WIPF3: variants seen among roughly 807,000 people sequenced by gnomAD.
WIPF3 encodes WAS/WASL interacting protein family member 3.
WIPF3 carries 33 observed loss-of-function variants against 38.9 expected under a neutral mutation model. The observed-to-expected ratio is 0.85, with a 90% confidence interval of 0.64 to 1.14. The LOEUF (loss-of-function observed/expected upper bound fraction) is 1.14, where lower values mean the gene tolerates loss of function less well. Ranked by LOEUF, WIPF3 falls within the 50% of genes most tolerant of loss-of-function variation. The probability of loss-of-function intolerance (pLI) is 0.00; values close to 1 mark genes in which losing one functional copy is unlikely to be tolerated. For synonymous variants in WIPF3, 324 were observed against 269.3 expected (o/e 1.20, Z -1.99); for missense variants, 711 against 652.5 (o/e 1.09, Z -0.98).
chr7:29,827,781 CA>C, intron 1 of WIPF3, among the ~76,000 whole-genome samples: 2 of 152,212 alleles, frequency 1.3e-5, no homozygotes, highest in Admixed American at 1.3e-4. Context: ...GATTCCTAGT[CA>C]AGTGTGTTAT....
At chr7:29,851,976 TTTAC>T (rs1188092510) in intron 2 of WIPF3, among the ~76,000 whole-genome samples, 2 of 152,024 alleles carry the variant, frequency 1.3e-5, no homozygotes, top group African/African-American at 4.8e-5. Context: ...TTATTTTAAT[TTTAC>T]TTATTTTTAT....
At chr7:29,826,120 A>G (rs996171921) in intron 1 of WIPF3, among the ~76,000 whole-genome samples, 24 of 152,296 alleles carry the variant, frequency 1.6e-4, no homozygotes, top group African/African-American at 5.5e-4. Context: ...TTCTGACTCT[A>G]TGGGAGAGAG....
Position 29,884,405 on chromosome 7 carries a change from C to A in WIPF3, c.911C>A (p.Pro304Gln). The change falls in exon 5 of 9, where the codon CCG (proline) becomes CAG (glutamine). Residue 304 changes from proline (P) to glutamine (Q), a missense_variant. By Grantham distance (76) the Pro-to-Gln change is moderately conservative. Transcript: ENST00000242140. The stretch of plus-strand genomic sequence containing the variant: ...CTCCCCCCTTATGCTTCTTGCTCCC[C>A]GAGGGCTTCTTTGCCCGCGCCCCCT... ...PPLPPYASCS[P>Q]RASLPAPPLP... 1 of 1,490,820 alleles carries A rather than the reference C, an allele frequency of 6.7e-7. No homozygotes were observed. The highest frequency in any genetic ancestry group is 2.7e-5 in the East Asian group (1 of 36,900). 92.3% of individuals were successfully genotyped at this position (1,490,820 alleles called of 1,614,324 possible). A position where few individuals can be genotyped will look rare whatever the true frequency, so the allele number is the denominator to read the frequency against.
At chr7:29,829,794 G>C (rs6462180) in intron 1 of WIPF3, among the ~76,000 whole-genome samples, 84,942 of 151,992 alleles carry the variant, frequency 0.56, 23,941 homozygotes, top group Middle Eastern at 0.64. Flanking sequence ...TTCGGGCCTC[G>C]CGTGGAAGTG....
intron 1 of WIPF3, among the ~76,000 whole-genome samples, chr7:29,824,212 G>C (rs1458850264): frequency 1.3e-5 from 2 of 152,310 alleles, no homozygotes; most frequent in Non-Finnish European, 1.5e-5. Context: ...GGATGCTGAG[G>C]CATGAGAATT....
rs1315862986 is a variant in WIPF3, at chr7:29,879,073, C to T, written c.288C>T (p.Pro96=). 6.2e-7 allele frequency: 1 copy of T among 1,610,890 alleles called. No homozygotes were observed. The highest frequency in any genetic ancestry group is 8.5e-7 in the Non-Finnish European group (1 of 1,178,528). The change falls in exon 4 of 9, where the codon CCC becomes CCT. Residue 96 remains proline, a synonymous_variant. Coordinates refer to ENST00000242140, the MANE Select transcript of WIPF3 (RefSeq NM_001080529.3). ...SANTRGASTP[P]TLGDLFAGGF... Reference sequence around the variant, plus strand: ...ACACACGAGGCGCGAGCACACCTCCCACCCTGGGAGATCTGTTTGCTGGTG... The same window carrying T: ...ACACACGAGGCGCGAGCACACCTCCTACCCTGGGAGATCTGTTTGCTGGTG...
intron 1 of WIPF3, among the ~76,000 whole-genome samples, chr7:29,810,931 C>T (rs2128060919): frequency 6.6e-6 from 1 of 152,194 alleles, no homozygotes; most frequent in African/African-American, 2.4e-5. Context: ...CTCTGTTGCC[C>T]AAGCTGGAGT....
In WIPF3 at chr7:29,812,616, T is replaced by G. The variant is rs148535995; in HGVS notation, c.-58+5938T>G. Among the ~76,000 whole-genome samples the G allele has an allele frequency of 2.8e-4, 42 of 152,344 alleles. 1 individual carries two copies. In the East Asian group the frequency reaches 7.1e-3, roughly 26 times the overall value. Reference sequence around the variant, plus strand: ...ACTCCCTAGGACTTCCACCTGCATCTCATTGGCCAGAACAGTGTCACAGGG... The same window carrying G: ...ACTCCCTAGGACTTCCACCTGCATCGCATTGGCCAGAACAGTGTCACAGGG... On this transcript the variant is annotated intron_variant, in intron 1 of 8. Transcript: ENST00000242140.
At chr7:29,857,760 A>C (rs768645597) in intron 2 of WIPF3, among the ~76,000 whole-genome samples, 1 of 152,158 alleles carries the variant, frequency 6.6e-6, no homozygotes, top group Non-Finnish European at 1.5e-5. Flanking sequence ...TGTATATGTG[A>C]TTTAATTTTT....
chr7:29,822,147 T>G (rs1784549880), intron 1 of WIPF3, among the ~76,000 whole-genome samples: 1 of 124,678 alleles, frequency 8.0e-6, no homozygotes, highest in Non-Finnish European at 1.8e-5. Flanking sequence ...TTTTTTTTGG[T>G]ATAGATCTTA....
At chr7:29,872,499 T>G (rs1785512291) in intron 2 of WIPF3, among the ~76,000 whole-genome samples, 1 of 151,980 alleles carries the variant, frequency 6.6e-6, no homozygotes, top group Non-Finnish European at 1.5e-5. Context: ...AACACTATAT[T>G]AAGATCAGGT....
rs1310478341 is a variant in WIPF3 at position 29,834,758 on chromosome 7, C to A, written c.34C>A (p.Pro12Thr). Residue 12 changes from proline (P) to threonine (T), a missense_variant, in exon 2 of 9, where the codon CCT becomes ACT. Pro to Thr is a conservative substitution (Grantham distance 38). Transcript: ENST00000242140. ...GCCACCGCCACCCCCACCTCCTCTGCCTCCACCTCCCCCGCCTCTGGGGGC... is the reference window on the plus strand; with the variant it reads ...GCCACCGCCACCCCCACCTCCTCTGACTCCACCTCCCCCGCCTCTGGGGGC... ...PVPPPPPPPL[P>T]PPPPPLGAPP... The A allele has an allele frequency of 6.8e-6, 10 of 1,464,336 alleles. No individual in the cohort carries two copies. The highest frequency in any genetic ancestry group is 2.7e-5 in the South Asian group (2 of 73,148). The allele number at this position is 1,464,336 out of a possible 1,614,324, so 90.7% of individuals were successfully genotyped here. A position where few individuals can be genotyped will look rare whatever the true frequency, so the allele number is the denominator to read the frequency against.
intron 7 of WIPF3, among the ~76,000 whole-genome samples, chr7:29,892,292 C>T (rs1317368839): frequency 6.6e-6 from 1 of 152,284 alleles, no homozygotes; most frequent in Non-Finnish European, 1.5e-5. Context: ...AGCCAAGGGA[C>T]CCCCTTCATC....
intron 8 of WIPF3, 105 bp downstream of exon 8, chr7:29,904,467 C>T: frequency 8.5e-7 from 1 of 1,178,582 alleles, no homozygotes; most frequent in Non-Finnish European, 1.2e-6. Flanking sequence ...TATTTTTCCT[C>T]ACACTCCTTT....
chr7:29,867,448 G>T (rs2128071698), intron 2 of WIPF3, among the ~76,000 whole-genome samples: 1 of 152,028 alleles, frequency 6.6e-6, no homozygotes, highest in African/African-American at 2.4e-5. Context: ...AGTACTTTTT[G>T]TCTAGAAGAA....
At position 29,844,801 on chromosome 7, in the gene WIPF3, T is replaced by C. The variant is rs77922484; in HGVS notation, c.90+9987T>C. Among the ~76,000 whole-genome samples, 2 of 152,164 alleles carry C rather than the reference T, an allele frequency of 1.3e-5. No individual in the cohort carries two copies. The highest frequency in any genetic ancestry group is 2.4e-5 in the African/African-American group (1 of 41,442). On this transcript the variant is annotated intron_variant, in intron 2 of 8. Coordinates refer to ENST00000242140, the MANE Select transcript of WIPF3 (RefSeq NM_001080529.3). This position sits in a 1 kb window ranked among gnomAD's most constrained non-coding sequence, Gnocchi z 4.8. ...TTTAAGGATGAGCTAACTCAGGCAC[T>C]GGGGGCACGTCACTTACTGGGCAGG...
At chr7:29,909,849 T>G (rs959354658) in intron 8 of WIPF3, among the ~76,000 whole-genome samples, 6 of 151,494 alleles carry the variant, frequency 4.0e-5, no homozygotes, top group Non-Finnish European at 8.8e-5. Context: ...GAGCTATGGA[T>G]TGCACCACTG....
At chr7:29,889,436 C>A in intron 7 of WIPF3, 29 bp downstream of exon 7, 1 of 1,561,578 alleles carries the variant, frequency 6.4e-7, no homozygotes, top group Non-Finnish European at 8.8e-7. Flanking sequence ...AGACTCCTGG[C>A]ATCTCCCGAC....
At chr7:29,913,282 T>G (rs890632562) in intron 8 of WIPF3, among the ~76,000 whole-genome samples, 1 of 150,704 alleles carries the variant, frequency 6.6e-6, no homozygotes, top group Non-Finnish European at 1.5e-5. Context: ...TGGACGGAGG[T>G]TGCGGTGAGC....
Sources: gnomAD v4.1 joint callset for allele counts (sites outside exome capture counted in the v4.1 genomes callset) on GRCh38, gnomAD v4.1.1 for gene constraint, Gnocchi (gnomAD v3.1) non-coding constraint, MANE v1.5 for transcripts, NCBI Gene and HGNC (gene_info 2026-07-23, HGNC 2026-07-21) for gene names.